The following ERICH6B variants were observed in gnomAD, a reference collection of about 807,000 sequenced individuals.
ERICH6B encodes the protein glutamate-rich protein 6B.
In ERICH6B, 69 loss-of-function variants were observed where a neutral mutation model predicts 80.0. The observed-to-expected ratio is 0.86, with a 90% CI of 0.71 to 1.05. The LOEUF is 1.05. Among genes scored for constraint, ERICH6B ranks in the 50% least tolerant of loss-of-function variants. The pLI is 0.00. For synonymous variants in ERICH6B, 283 were observed against 291.9 expected, an observed-to-expected ratio of 0.97 and a Z score of 0.31; for missense variants, 754 against 796.1, an observed-to-expected ratio of 0.95 and a Z score of 0.64.
rs1876427044 is a variant in ERICH6B at position 45,597,022 on chromosome 13, G to T, written c.-17C>A. Reference sequence around the variant, plus strand: ...AGCAGACATGCTGGGGAAGTCGTAGGTGGTGAACTCCTTCTGCAGCAGCCA... The same window carrying T: ...AGCAGACATGCTGGGGAAGTCGTAGTTGGTGAACTCCTTCTGCAGCAGCCA... On this transcript the variant is annotated 5_prime_UTR_variant, in exon 3 of 15. Transcript: ENST00000298738. 2.6e-6 allele frequency: 4 copies of T among 1,524,528 alleles called. No homozygotes were observed. Among genetic ancestry groups the T allele is most frequent in the Non-Finnish European group, 3.5e-6 (4 of 1,132,436 alleles). 94.4% of individuals were successfully genotyped at this position (1,524,528 alleles called of 1,614,324 possible).
At chr13:45,592,712 G>A (rs1018298181) in intron 3 of ERICH6B, among the ~76,000 whole-genome samples, 1 of 152,166 alleles carries the variant, frequency 6.6e-6, no homozygotes, top group African/African-American at 2.4e-5. Flanking sequence ...AAAACTAAAA[G>A]GGGGTCTCAT....
intron 14 of ERICH6B, among the ~76,000 whole-genome samples, chr13:45,544,197 C>T (rs1041641500): frequency 9.2e-5 from 14 of 152,178 alleles, no homozygotes; most frequent in African/African-American, 2.2e-4. Context: ...CTCAGTTTCC[C>T]GAGTAGCTGG....
intron 7 of ERICH6B, among the ~76,000 whole-genome samples, chr13:45,577,644 C>T (rs3014921): frequency 0.33 from 50,082 of 151,980 alleles, 9,175 homozygotes; most frequent in East Asian, 0.59. Context: ...GACAGGGTCT[C>T]TCTCTGTAGC....
intron 4 of ERICH6B, among the ~76,000 whole-genome samples, chr13:45,590,340 G>A (rs1876106823): frequency 6.6e-6 from 1 of 152,002 alleles, no homozygotes; most frequent in Non-Finnish European, 1.5e-5. Flanking sequence ...CTGCTCCCCT[G>A]AGAGCACTGC....
At chr13:45,607,473 G>A (rs1205421237) in intron 2 of ERICH6B, 91 bp downstream of exon 2, 2 of 152,214 alleles carry the variant, frequency 1.3e-5, no homozygotes, top group African/African-American at 4.8e-5. Flanking sequence ...GGCTAACAGG[G>A]AGGACAATAA....
intron 9 of ERICH6B, among the ~76,000 whole-genome samples, chr13:45,566,580 A>T (rs999228382): frequency 6.6e-6 from 1 of 152,186 alleles, no homozygotes; most frequent in Non-Finnish European, 1.5e-5. Context: ...GAGGGTGTAA[A>T]CCCCAAGCCT....
chr13:45,556,788 TATACACACAC>T (rs1291005055), intron 11 of ERICH6B, among the ~76,000 whole-genome samples: 1 of 152,126 alleles, frequency 6.6e-6, no homozygotes, highest in Non-Finnish European at 1.5e-5. Flanking sequence ...TGTATATATA[TATACACACAC>T]ATACACACAC....
chr13:45,572,915 C>T (rs1388495273), intron 8 of ERICH6B, among the ~76,000 whole-genome samples: 6 of 151,476 alleles, frequency 4.0e-5, no homozygotes, highest in Admixed American at 6.6e-5. Context: ...GCTATTTCCA[C>T]CCTATCAGAT....
At chr13:45,553,215 T>C in intron 11 of ERICH6B, 1 of 220,036 alleles carries the variant, frequency 4.5e-6, no homozygotes, top group Middle Eastern at 1.6e-3. Flanking sequence ...TTGTCCAATC[T>C]TTGCTTGAAT....
intron 8 of ERICH6B, among the ~76,000 whole-genome samples, chr13:45,572,410 T>A (rs1252267915): frequency 6.6e-6 from 1 of 152,156 alleles, no homozygotes; most frequent in Non-Finnish European, 1.5e-5. Flanking sequence ...GATCCTTTCC[T>A]TGGAGAAAGG....
At chr13:45,590,560 A>T in intron 4 of ERICH6B, 89 bp downstream of exon 4, 1 of 1,280,458 alleles carries the variant, frequency 7.8e-7, no homozygotes, top group Admixed American at 2.3e-5. Flanking sequence ...ACTCCATGCC[A>T]CTCCCTGTCC....
At chr13:45,612,325 G>C (rs1295485324) in intron 1 of ERICH6B, among the ~76,000 whole-genome samples, 1 of 152,146 alleles carries the variant, frequency 6.6e-6, no homozygotes, top group Admixed American at 6.5e-5. Flanking sequence ...GTTGCATAAG[G>C]CATACCTATA....
intron 14 of ERICH6B, among the ~76,000 whole-genome samples, chr13:45,544,132 G>A (rs983709089): frequency 2.0e-5 from 3 of 152,170 alleles, no homozygotes; most frequent in South Asian, 2.1e-4. Context: ...GAGTGCAGTG[G>A]TGTGATCTCA....
chr13:45,550,023 T>C lies in ERICH6B; in HGVS notation c.1516A>G (p.Met506Val). The C allele has an allele frequency of 6.4e-7, 1 of 1,551,926 alleles. No homozygotes were observed. Among genetic ancestry groups the C allele is most frequent in the Non-Finnish European group, 8.7e-7 (1 of 1,147,080 alleles). Residue 506 changes from methionine to valine, a missense_variant, in exon 13 of 15, where the codon ATG becomes GTG. Met to Val is a conservative substitution (Grantham distance 21). Coordinates refer to ENST00000298738, the MANE Select transcript of ERICH6B (RefSeq NM_182542.3). ...TTCATTTTCGCATATAAGATGAGCATAGCCAGGTTTCCTGATGGATAACTG... is the reference window on the plus strand; with the variant it reads ...TTCATTTTCGCATATAAGATGAGCACAGCCAGGTTTCCTGATGGATAACTG... ...QIHYPSGNLA[M>V]LILYAKMKKF... is the part of the protein sequence containing the mutation.
rs78482863 is a variant in ERICH6B at position 45,572,419 on chromosome 13, G to T, written c.1050+2423C>A. ...AAATTTGATCCTTTCCTTGGAGAAA[G>T]GACTCAGTATTGTTGGGGGCTTTGG... On this transcript the variant is annotated intron_variant, in intron 8 of 14. Transcript: ENST00000298738. 5.9e-4 allele frequency among the ~76,000 whole-genome samples: 90 copies of T among 152,290 alleles called. 2 individuals are homozygous for T. The East Asian group carries it at 0.015, about 26-fold the overall frequency.
intron 10 of ERICH6B, among the ~76,000 whole-genome samples, chr13:45,562,221 A>G (rs1874714213): frequency 6.6e-6 from 1 of 152,110 alleles, no homozygotes; most frequent in African/African-American, 2.4e-5. Context: ...TGGCTAATGT[A>G]GAGATGAGGT....
At chr13:45,606,533 ATATATATATATATATT>A (rs1242284100) in intron 2 of ERICH6B, among the ~76,000 whole-genome samples, 4 of 30,258 alleles carry the variant, frequency 1.3e-4, no homozygotes, top group Non-Finnish European at 1.6e-4. Context: ...ATATATATAT[ATATATATATATATATT>A]TTTTTTTTTT....
At chr13:45,585,083 C>T (rs188801720) in intron 5 of ERICH6B, among the ~76,000 whole-genome samples, 1 of 152,276 alleles carries the variant, frequency 6.6e-6, no homozygotes, top group East Asian at 1.9e-4. Context: ...GCTCAGTGCT[C>T]CTTGGTTCAT....
At chr13:45,572,860 C>T (rs1008682628) in intron 8 of ERICH6B, among the ~76,000 whole-genome samples, 6 of 152,042 alleles carry the variant, frequency 3.9e-5, no homozygotes, top group African/African-American at 7.2e-5. Context: ...TGAAAATGCC[C>T]GGCACCTTTC....
Sources: allele counts gnomAD v4.1 joint callset (sites outside exome capture counted in the v4.1 genomes callset), GRCh38; gene constraint gnomAD v4.1.1; transcripts MANE v1.5; gene names NCBI Gene and HGNC (gene_info 2026-07-23, HGNC 2026-07-21).